The following RRP15 variants were observed in gnomAD, a reference collection of about 807,000 sequenced individuals.
The protein encoded by RRP15 is RRP15-like protein.
A neutral mutation model predicts 27.1 loss-of-function variants in RRP15; 18 were observed. That is an observed-to-expected ratio of 0.66 (90% CI 0.46 to 0.98). RRP15 has a LOEUF of 0.98. Among genes scored for constraint, RRP15 ranks in the 50% least tolerant of loss-of-function variants. The pLI, the probability that RRP15 is intolerant of heterozygous loss-of-function variation, is 0.00. For synonymous variants in RRP15, 107 were observed against 109.4 expected, an observed-to-expected ratio of 0.98 and a Z score of 0.14; for missense variants, 359 against 337.8, an observed-to-expected ratio of 1.06 and a Z score of -0.49.
At chr1:218,301,762 A>C (rs1297587876) in intron 1 of RRP15, 3 of 152,152 alleles carry the variant, frequency 2.0e-5, no homozygotes, top group South Asian at 4.1e-4. Context: ...ATTCTTTTAC[A>C]TGAGGCTGAT....
intron 4 of RRP15, among the ~76,000 whole-genome samples, chr1:218,319,872 A>G (rs1363066817): frequency 6.6e-6 from 1 of 152,154 alleles, no homozygotes; most frequent in African/African-American, 2.4e-5. Flanking sequence ...TATATGCTAT[A>G]TAATATAGCA....
Position 218,334,051 on chromosome 1 carries a change from G to T in RRP15, c.*2960G>T, listed in dbSNP as rs1656413873. The T allele has an allele frequency of 6.6e-6, 1 of 151,958 alleles. No individual in the cohort carries two copies. The highest frequency in any genetic ancestry group is 1.5e-5 in the Non-Finnish European group (1 of 67,992). The allele number at this position is 151,958 out of a possible 1,614,324, so 9.4% of individuals were successfully genotyped here. On this transcript the variant is annotated 3_prime_UTR_variant, in exon 5 of 5. Coordinates refer to ENST00000366932, the MANE Select transcript of RRP15 (RefSeq NM_016052.4). ...ATATTCTAGATACTTGGATGGCTGG[G>T]GTTGATGTTCTTAGTATTTATCATA...
chr1:218,304,915 A>C, intron 2 of RRP15, 113 bp from the exon 3 acceptor site: 1 of 997,532 alleles, frequency 1.0e-6, no homozygotes, highest in Non-Finnish European at 1.5e-6. Context: ...GCCCCTGACA[A>C]ACTAAGCCAG....
intron 4 of RRP15, among the ~76,000 whole-genome samples, chr1:218,329,753 G>T (rs147927984): frequency 2.2e-4 from 34 of 151,620 alleles, no homozygotes; most frequent in African/African-American, 8.0e-4. Flanking sequence ...AGCTCTGCTT[G>T]ATATTTTGAC....
At position 218,329,507 on chromosome 1, in the gene RRP15, A is replaced by G. The variant is rs184622812; in HGVS notation, c.706-1441A>G. Among the ~76,000 whole-genome samples, 194 of 152,230 alleles carry G rather than the reference A, an allele frequency of 1.3e-3. 3 individuals carry two copies. The highest frequency in any genetic ancestry group is 2.5e-3 in the East Asian group (13 of 5,178). ...GTTTGATATTGTAGAAATAAATGAA[A>G]AGTTGTTAATATACTCCAGTTATCT... On this transcript the variant is annotated intron_variant, in intron 4 of 4. Coordinates refer to ENST00000366932, the MANE Select transcript of RRP15 (RefSeq NM_016052.4).
chr1:218,313,972 TTTTTA>T (rs66715330), intron 4 of RRP15, among the ~76,000 whole-genome samples: 60,646 of 147,058 alleles, frequency 0.41, 13,057 homozygotes, highest in African/African-American at 0.54. Flanking sequence ...CCCCGAGTGA[TTTTTA>T]TTTTATTTTA....
chr1:218,315,371 A>G (rs1205250102), intron 4 of RRP15, among the ~76,000 whole-genome samples: 5 of 152,106 alleles, frequency 3.3e-5, no homozygotes, highest in Non-Finnish European at 7.4e-5. Context: ...ACAGAAGCCT[A>G]GGAAAGGAGG....
intron 1 of RRP15, among the ~76,000 whole-genome samples, chr1:218,295,403 C>A (rs1360078431): frequency 6.6e-6 from 1 of 152,182 alleles, no homozygotes; most frequent in African/African-American, 2.4e-5. Context: ...TGACTCCTCC[C>A]TCATAGAATG....
chr1:218,326,809 T>G (rs7528825), intron 4 of RRP15, among the ~76,000 whole-genome samples: 11,704 of 152,246 alleles, frequency 0.077, 762 homozygotes, highest in African/African-American at 0.19. Context: ...CTCTTCAGAA[T>G]TTAAACCTCC....
intron 1 of RRP15, among the ~76,000 whole-genome samples, chr1:218,291,047 G>A (rs1655629761): frequency 6.6e-6 from 1 of 152,060 alleles, no homozygotes; most frequent in South Asian, 2.1e-4. Flanking sequence ...GCTAAGGTGG[G>A]AGGGTTGCTT....
At chr1:218,313,510 A>C (rs1047923268) in intron 4 of RRP15, among the ~76,000 whole-genome samples, 1 of 152,188 alleles carries the variant, frequency 6.6e-6, no homozygotes, top group Non-Finnish European at 1.5e-5. Context: ...CATGTCTGAG[A>C]GGTAAAGATT....
intron 1 of RRP15, among the ~76,000 whole-genome samples, chr1:218,298,190 T>C (rs1383741038): frequency 6.6e-6 from 1 of 152,144 alleles, no homozygotes; most frequent in African/African-American, 2.4e-5. Context: ...ATCAACTGGC[T>C]TGGGTTATGG....
intron 2 of RRP15, among the ~76,000 whole-genome samples, chr1:218,304,674 G>T (rs566089262): frequency 1.1e-4 from 16 of 152,306 alleles, no homozygotes; most frequent in African/African-American, 3.6e-4. Context: ...TTCAAAGAGG[G>T]TAGTTTGGAA....
At chr1:218,320,346 T>G (rs568954772) in intron 4 of RRP15, among the ~76,000 whole-genome samples, 1 of 152,172 alleles carries the variant, frequency 6.6e-6, no homozygotes, top group East Asian at 1.9e-4. Context: ...TTACTGAGAA[T>G]GATGATTTCC....
At chr1:218,317,977 CT>C (rs1656116516) in intron 4 of RRP15, among the ~76,000 whole-genome samples, 1 of 151,972 alleles carries the variant, frequency 6.6e-6, no homozygotes, top group African/African-American at 2.4e-5. Context: ...TCAAGTGATT[CT>C]TCTGCCTCAG....
intron 1 of RRP15, among the ~76,000 whole-genome samples, chr1:218,287,142 CTT>C (rs1214536139): frequency 6.3e-5 from 7 of 111,392 alleles, no homozygotes; most frequent in Admixed American, 1.9e-4. Context: ...TTTTTTTTTT[CTT>C]TTTTTTTTTT....
intron 4 of RRP15, among the ~76,000 whole-genome samples, chr1:218,325,239 C>T (rs1243111183): frequency 6.6e-6 from 1 of 152,202 alleles, no homozygotes; most frequent in Non-Finnish European, 1.5e-5. Flanking sequence ...GTCCTTCATG[C>T]GTGATGTGTA....
chr1:218,329,001 G>T (rs889249770), intron 4 of RRP15, among the ~76,000 whole-genome samples: 1 of 152,048 alleles, frequency 6.6e-6, no homozygotes, highest in East Asian at 1.9e-4. Flanking sequence ...ACACTTTTCC[G>T]AATTTAATTG....
chr1:218,308,205 A>G (rs115637707), intron 4 of RRP15, among the ~76,000 whole-genome samples: 4,993 of 149,652 alleles, frequency 0.033, 265 homozygotes, highest in African/African-American at 0.12. Flanking sequence ...CTGAGTAGCC[A>G]GGTTTACAGG....
Sources: allele counts gnomAD v4.1 joint callset (sites outside exome capture counted in the v4.1 genomes callset), GRCh38; gene constraint gnomAD v4.1.1; transcripts MANE v1.5; gene names NCBI Gene and HGNC (gene_info 2026-07-23, HGNC 2026-07-21).